USP42: variants seen among roughly 807,000 people sequenced by gnomAD.
The protein encoded by USP42 is ubiquitin specific peptidase 42, also known as ubiquitin carboxyl-terminal hydrolase 42.
Under a neutral mutation model 113.0 loss-of-function variants are expected in USP42, and 23 were observed. That is an observed-to-expected ratio of 0.20 (90% CI 0.15 to 0.29). USP42 has a LOEUF of 0.29. Ranked by LOEUF, USP42 falls within the 10% of genes least tolerant of loss-of-function variation. The probability of loss-of-function intolerance (pLI) is 1.00; values close to 1 mark genes in which losing one functional copy is unlikely to be tolerated. For missense variants in USP42, 2,174 were observed against 1,779.8 expected, an observed-to-expected ratio of 1.22 and a Z score of -3.99; for synonymous variants, 933 against 699.0, an observed-to-expected ratio of 1.33 and a Z score of -5.28.
At position 6,153,869 on chromosome 7, in the gene USP42, C is replaced by G; in HGVS notation, c.2315C>G (p.Thr772Ser). 1 of 1,559,390 alleles carries G rather than the reference C, an allele frequency of 6.4e-7. No homozygotes were observed. The highest frequency in any genetic ancestry group is 8.7e-7 in the Non-Finnish European group (1 of 1,153,524). ...GATGCGGCCGCCGGCCTCAGCAGCA[C>G]CAAGAAGGCTCCGCCGCCCCGCGAT... ...EPDAAAGLSS[T>S]KKAPPPRDPG... Residue 772 changes from threonine (T) to serine (S), a missense_variant, in exon 15 of 18, where the codon ACC (threonine) becomes AGC (serine). Coordinates refer to ENST00000306177, the MANE Select transcript of USP42 (RefSeq NM_032172.3).
the USP42 span, among the ~76,000 whole-genome samples, chr7:6,088,267 C>A: frequency 6.7e-6 from 1 of 148,682 alleles, no homozygotes; most frequent in African/African-American, 2.5e-5. Context: ...TTTTTTTTTT[C>A]TTTTTGCGAC....
chr7:6,124,331 G>A (rs1000366793), intron 3 of USP42, among the ~76,000 whole-genome samples: 4 of 151,996 alleles, frequency 2.6e-5, no homozygotes, highest in East Asian at 1.9e-4. Flanking sequence ...GCAGTGGCGC[G>A]ATCTCGGCTC....
Position 6,140,154 on chromosome 7 carries a change from C to A in USP42, c.683C>A (p.Thr228Asn), listed in dbSNP as rs1357342339. 6.2e-7 allele frequency: 1 copy of A among 1,613,876 alleles called. No individual in the cohort carries two copies. The highest frequency in any genetic ancestry group is 1.3e-5 in the African/African-American group (1 of 74,918). The change falls in exon 6 of 18, where the codon ACT becomes AAT. Residue 228 changes from threonine (T) to asparagine (N), a missense_variant. By Grantham distance (65) the Thr-to-Asn change is moderately conservative. Coordinates refer to ENST00000306177, the MANE Select transcript of USP42 (RefSeq NM_032172.3). Reference sequence around the variant, plus strand: ...TTAGACAGACACACCCAGGCCACCACTCTTGTTTGTCAGATATTTGGAGGA... The same window carrying A: ...TTAGACAGACACACCCAGGCCACCAATCTTGTTTGTCAGATATTTGGAGGA... ...NKLDRHTQAT[T>N]LVCQIFGGYL...
At position 6,147,912 on chromosome 7, in the gene USP42, A is replaced by C. The variant is rs1273098910; in HGVS notation, c.1386+20A>C. The stretch of plus-strand genomic sequence containing the variant: ...ATAAAGGTAACAGTCCTTAGGGAGA[A>C]GAACATTTTTATGTTAATTTTTAAA... On this transcript the variant is annotated intron_variant, in intron 12 of 17. Transcript: ENST00000306177. 1 of 1,567,098 alleles carries C rather than the reference A, an allele frequency of 6.4e-7. No individual in the cohort carries two copies. The highest frequency in any genetic ancestry group is 1.9e-5 in the Admixed American group (1 of 53,368).
At chr7:6,143,123 C>T (rs1781520963) in intron 8 of USP42, 109 bp downstream of exon 8, 1 of 1,092,040 alleles carries the variant, frequency 9.2e-7, no homozygotes, top group South Asian at 1.4e-5. Flanking sequence ...GTTTCTGATA[C>T]CCTCTGGGAA....
In USP42 at chr7:6,156,960, C is replaced by T. The variant is rs752804310; in HGVS notation, c.3848C>T (p.Pro1283Leu). The change falls in exon 16 of 18, where the codon CCG becomes CTG. Residue 1283 changes from proline to leucine, a missense_variant. By Grantham distance (98) the Pro-to-Leu change is moderately conservative. Transcript: ENST00000306177. ...AQGGFPLSGG[P>L]PLEGVGPFRE... ...GGTGGCTTTCCTCTCTCTGGTGGCC[C>T]GCCTCTGGAAGGCGTCGGACCTTTC... The T allele has an allele frequency of 9.9e-6, 16 of 1,613,694 alleles. No homozygotes were observed. The highest frequency in any genetic ancestry group is 1.6e-4 in the Middle Eastern group (1 of 6,084).
chr7:6,139,443 G>T lies in USP42; in HGVS notation c.656+249G>T. On this transcript the variant is annotated intron_variant, in intron 5 of 17. Coordinates refer to ENST00000306177, the MANE Select transcript of USP42 (RefSeq NM_032172.3). This position sits in a 1 kb window ranked among gnomAD's most constrained non-coding sequence, Gnocchi z 4.5. Reference sequence around the variant, plus strand: ...ATGTCAGGAAATAAACATTGGTCTTGCAGCTATTTAATTTCTCATTATCAG... The same window carrying T: ...ATGTCAGGAAATAAACATTGGTCTTTCAGCTATTTAATTTCTCATTATCAG... 2.8e-6 allele frequency: 1 copy of T among 362,526 alleles called. No individual in the cohort carries two copies. Among genetic ancestry groups the T allele is most frequent in the Non-Finnish European group, 4.9e-6 (1 of 202,550 alleles). 22.5% of individuals were successfully genotyped at this position (362,526 alleles called of 1,614,324 possible). A position where few individuals can be genotyped will look rare whatever the true frequency, so the allele number is the denominator to read the frequency against.
chr7:6,125,358 C>T (rs1267633941), intron 3 of USP42, among the ~76,000 whole-genome samples: 3 of 152,076 alleles, frequency 2.0e-5, no homozygotes, highest in East Asian at 3.9e-4. Flanking sequence ...GACATGGTGG[C>T]AGATGCCTGT....
the USP42 span, chr7:6,088,782 T>G: frequency 4.6e-5 from 7 of 151,202 alleles, no homozygotes; most frequent in African/African-American, 1.5e-4. Flanking sequence ...TCTCCTGTTC[T>G]TCCTCAGACC....
intron 3 of USP42, among the ~76,000 whole-genome samples, chr7:6,122,436 C>T (rs1002139135): frequency 6.6e-6 from 1 of 151,940 alleles, no homozygotes; most frequent in African/African-American, 2.4e-5. Context: ...CAGACATGCA[C>T]CACCATGCCT....
intron 1 of USP42, among the ~76,000 whole-genome samples, chr7:6,105,475 GC>G (rs1488417838): frequency 2.8e-5 from 1 of 35,792 alleles, no homozygotes; most frequent in Non-Finnish European, 6.2e-5. Flanking sequence ...CCCGCCCGCC[GC>G]CCCCCGCGTG....
intron 2 of USP42, among the ~76,000 whole-genome samples, chr7:6,112,871 A>C (rs1052250517): frequency 6.9e-6 from 1 of 144,152 alleles, no homozygotes; most frequent in African/African-American, 2.6e-5. Flanking sequence ...TTTGATCGCC[A>C]TGTTGTTTTT....
At chr7:6,102,112 T>A (rs1380176968), upstream of USP42, among the ~76,000 whole-genome samples, 2 of 91,016 alleles carry the variant, frequency 2.2e-5, 1 homozygote, top group African/African-American at 1.1e-4. Context: ...TCCTAAGATT[T>A]TTTTTTTTTT....
rs377570802 is a variant in USP42 at position 6,154,310 on chromosome 7, G to A, written c.2756G>A (p.Ser919Asn). ...AGHPEGDAEP[S>N]PGERVEDAAA... ...CACCCGGAAGGGGACGCTGAGCCTAGCCCCGGCGAGAGGGTCGAGGACGCC... is the reference window on the plus strand; with the variant it reads ...CACCCGGAAGGGGACGCTGAGCCTAACCCCGGCGAGAGGGTCGAGGACGCC... The change falls in exon 15 of 18, where the codon AGC (serine) becomes AAC (asparagine). Residue 919 changes from serine to asparagine, a missense_variant. Physicochemically the swap from Ser to Asn is conservative, Grantham distance 46 (BLOSUM62 1). Transcript: ENST00000306177. The A allele has an allele frequency of 6.3e-5, 99 of 1,581,174 alleles. No individual in the cohort carries two copies. The highest frequency in any genetic ancestry group is 5.1e-4 in the South Asian group (45 of 87,516).
At position 6,156,912 on chromosome 7, in the gene USP42, T is replaced by C. The variant is rs776166513; in HGVS notation, c.3800T>C (p.Val1267Ala). The C allele has an allele frequency of 6.2e-7, 1 of 1,613,960 alleles. No individual in the cohort carries two copies. Residue 1267 changes from valine (V) to alanine (A), a missense_variant, in exon 16 of 18, where the codon GTC becomes GCC. Physicochemically the swap from Val to Ala is moderately conservative, Grantham distance 64 (BLOSUM62 0). Coordinates refer to ENST00000306177, the MANE Select transcript of USP42 (RefSeq NM_032172.3). ...HLPRVTSLET[V>A]AQFRRAQGGF... ...CCCAGGGTCACCAGCTTGGAGACTG[T>C]CGCCCAGTTCCGGAGAGCCCAGGGT...
chr7:6,109,580 G>T (rs1254719772), intron 1 of USP42, among the ~76,000 whole-genome samples: 1 of 151,926 alleles, frequency 6.6e-6, no homozygotes, highest in Non-Finnish European at 1.5e-5. Flanking sequence ...TTTTAGTAGA[G>T]ATGGGGTTTC....
chr7:6,157,054 G>C lies in USP42; in HGVS notation c.3942G>C (p.Gln1314His). 6.3e-7 allele frequency: 1 copy of C among 1,581,232 alleles called. No homozygotes were observed. The highest frequency in any genetic ancestry group is 2.2e-5 in the East Asian group (1 of 44,552). ...GGTGTCGTCTCTTTGAGTATGGCCA[G>C]GGTAAGAGGAGATACTTGGAATTAG... The part of the protein sequence containing the change: ...DDRCRLFEYG[Q>H]GD The change falls in exon 16 of 18, where the codon CAG becomes CAC. Residue 1314 changes from glutamine to histidine, a missense_variant and splice_region_variant. Coordinates refer to ENST00000306177, the MANE Select transcript of USP42 (RefSeq NM_032172.3). This position sits in a 1 kb window ranked among gnomAD's most constrained non-coding sequence, Gnocchi z 4.1.
intron 3 of USP42, among the ~76,000 whole-genome samples, chr7:6,130,852 C>CAGG (rs1222554073): frequency 6.6e-6 from 1 of 152,138 alleles, no homozygotes; most frequent in Non-Finnish European, 1.5e-5. Context: ...AAGCAGAAGA[C>CAGG]AGGAGCAAGG....
chr7:6,092,057 C>CTTCTTCTT, the USP42 span, among the ~76,000 whole-genome samples: 2 of 56,632 alleles, frequency 3.5e-5, no homozygotes, highest in African/African-American at 1.5e-4. Context: ...CTTCTTCTTT[C>CTTCTTCTT]TTCTTCTTCT....
Sources: gnomAD v4.1 joint callset for allele counts (sites outside exome capture counted in the v4.1 genomes callset) on GRCh38, gnomAD v4.1.1 for gene constraint, Gnocchi (gnomAD v3.1) non-coding constraint, MANE v1.5 for transcripts, NCBI Gene and HGNC (gene_info 2026-07-23, HGNC 2026-07-21) for gene names.